The following ANO10 variants were observed in gnomAD, a reference collection of about 807,000 sequenced individuals.
ANO10 encodes anoctamin 10.
Under a neutral mutation model 74.7 loss-of-function variants are expected in ANO10, and 77 were observed. The ratio of observed to expected loss-of-function variants is 1.03; its 90% CI spans 0.86 to 1.25. The LOEUF is 1.25. Ranked by LOEUF, ANO10 falls within the 50% of genes most tolerant of loss-of-function variation. The pLI, the probability that ANO10 is intolerant of heterozygous loss-of-function variation, is 0.00. For synonymous variants in ANO10, 279 were observed against 284.9 expected, an observed-to-expected ratio of 0.98 and a Z score of 0.21; for missense variants, 721 against 778.1, an observed-to-expected ratio of 0.93 and a Z score of 0.87.
chr3:43,562,954 C>T (rs2080120595), intron 8 of ANO10, among the ~76,000 whole-genome samples: 1 of 151,966 alleles, frequency 6.6e-6, no homozygotes, highest in Non-Finnish European at 1.5e-5. Flanking sequence ...GCAACAAAAC[C>T]AAAAATAGAC....
At chr3:43,481,123 A>G (rs2076253206) in intron 11 of ANO10, among the ~76,000 whole-genome samples, 1 of 152,150 alleles carries the variant, frequency 6.6e-6, no homozygotes, top group Non-Finnish European at 1.5e-5. Context: ...ACTGAAAGAC[A>G]TAGTATTTAG....
intron 11 of ANO10, among the ~76,000 whole-genome samples, chr3:43,484,174 C>A (rs1300638371): frequency 6.6e-6 from 1 of 152,166 alleles, no homozygotes; most frequent in Admixed American, 6.5e-5. Flanking sequence ...CTCAAGCGAT[C>A]TGCCCACCTC....
chr3:43,402,454 T>C (rs2092499728), intron 12 of ANO10, among the ~76,000 whole-genome samples: 1 of 152,180 alleles, frequency 6.6e-6, no homozygotes, highest in Non-Finnish European at 1.5e-5. Context: ...TTTTAAAACA[T>C]TATGTTCATT....
intron 12 of ANO10, among the ~76,000 whole-genome samples, chr3:43,389,662 C>T (rs182732869): frequency 2.0e-5 from 3 of 152,292 alleles, no homozygotes; most frequent in Non-Finnish European, 4.4e-5. Context: ...TGGATAAATG[C>T]TCTTACTTAT....
chr3:43,411,294 T>C (rs1254086958), intron 12 of ANO10, among the ~76,000 whole-genome samples: 1 of 152,152 alleles, frequency 6.6e-6, no homozygotes, highest in Middle Eastern at 3.2e-3. Context: ...ATACTTAATA[T>C]CATCTTTATG....
In ANO10 at chr3:43,643,074, C is replaced by T. The variant is rs543797066; in HGVS notation, c.-11-37211G>A. 4.6e-4 allele frequency among the ~76,000 whole-genome samples: 69 copies of T among 151,358 alleles called. 2 individuals are homozygous for T. Among genetic ancestry groups the T allele is most frequent in the African/African-American group, 1.6e-3 (67 of 41,188 alleles). ...TGAGACGGAGTCTTGCTCTGTTGCCCAGGCTGGAGTGCAGTGGCGCAATCT... is the reference window on the plus strand; with the variant it reads ...TGAGACGGAGTCTTGCTCTGTTGCCTAGGCTGGAGTGCAGTGGCGCAATCT... On this transcript the variant is annotated intron_variant, in intron 1 of 3. Coordinates refer to the ANO10 transcript ENST00000413397.
intron 11 of ANO10, among the ~76,000 whole-genome samples, chr3:43,469,886 TC>T (rs753952390): frequency 6.6e-6 from 1 of 152,220 alleles, no homozygotes; most frequent in Non-Finnish European, 1.5e-5. Flanking sequence ...AGGAATTTGA[TC>T]ATCTGCTTTT....
chr3:43,393,569 G>C (rs1240831759), intron 12 of ANO10, among the ~76,000 whole-genome samples: 1 of 152,138 alleles, frequency 6.6e-6, no homozygotes, highest in Non-Finnish European at 1.5e-5. Flanking sequence ...CAACAGCCCT[G>C]TGTGCAAGGC....
At chr3:43,610,371 A>G (rs1274870469) in intron 1 of ANO10, among the ~76,000 whole-genome samples, 1 of 152,188 alleles carries the variant, frequency 6.6e-6, no homozygotes, top group Non-Finnish European at 1.5e-5. Flanking sequence ...CAATATAAGG[A>G]GGAGTACACT....
chr3:43,559,690 GAC>G, intron 9 of ANO10, among the ~76,000 whole-genome samples: 1 of 152,178 alleles, frequency 6.6e-6, no homozygotes, highest in African/African-American at 2.4e-5. Context: ...GTTTCTATAA[GAC>G]AGTGAAAAAA....
In ANO10 at chr3:43,675,995, T is replaced by C. The variant is rs573077489; in HGVS notation, c.-12+15522A>G. On this transcript the variant is annotated intron_variant, in intron 1 of 3. Transcript: ENST00000413397. ...ATGTTTTTGGCAGCTTTATTTGTAATAGCTGAAAACTGGAAACAACTCAGA... is the reference window on the plus strand; with the variant it reads ...ATGTTTTTGGCAGCTTTATTTGTAACAGCTGAAAACTGGAAACAACTCAGA... Among the ~76,000 whole-genome samples, 3 of 152,344 alleles carry C rather than the reference T, an allele frequency of 2.0e-5. No homozygotes were observed. The East Asian group carries it at 5.8e-4, about 29-fold the overall frequency.
At chr3:43,491,150 A>G (rs2076704887) in intron 11 of ANO10, among the ~76,000 whole-genome samples, 1 of 152,182 alleles carries the variant, frequency 6.6e-6, no homozygotes, top group Non-Finnish European at 1.5e-5. Context: ...GCTGCTGTGC[A>G]TGTGGACATC....
intron 11 of ANO10, among the ~76,000 whole-genome samples, chr3:43,475,845 G>T (rs2076046095): frequency 1.3e-5 from 2 of 152,144 alleles, no homozygotes; most frequent in South Asian, 4.1e-4. Flanking sequence ...CGAGTGATCT[G>T]CCCACTTCAG....
intron 5 of ANO10, among the ~76,000 whole-genome samples, chr3:43,579,208 C>A (rs1308620884): frequency 1.3e-5 from 2 of 151,800 alleles, no homozygotes; most frequent in African/African-American, 4.8e-5. Context: ...CAGCACATAC[C>A]AAATAAATTA....
At chr3:43,562,155 G>C (rs369395189) in intron 8 of ANO10, among the ~76,000 whole-genome samples, 1 of 151,994 alleles carries the variant, frequency 6.6e-6, no homozygotes, top group African/African-American at 2.4e-5. Flanking sequence ...CAGATCACCT[G>C]AGATGGAAAG....
chr3:43,690,855 C>A, intron 1 of ANO10: 1 of 932,880 alleles, frequency 1.1e-6, no homozygotes, highest in South Asian at 2.7e-5. Flanking sequence ...CGCGGGCGCG[C>A]CGCCGGGCCG....
At chr3:43,614,587 C>T (rs972628579) in intron 1 of ANO10, among the ~76,000 whole-genome samples, 3 of 151,560 alleles carry the variant, frequency 2.0e-5, no homozygotes, top group Middle Eastern at 3.2e-3. Flanking sequence ...ATGGAAAGAA[C>T]CCAGTTTGGG....
At chr3:43,690,029 A>C (rs72622914) in intron 1 of ANO10, 12,668 of 151,490 alleles carry the variant, frequency 0.084, 728 homozygotes, top group South Asian at 0.22. Context: ...TAGTCATTTC[A>C]CCTCAATAAC....
At chr3:43,598,295 A>G (rs976667146) in intron 4 of ANO10, among the ~76,000 whole-genome samples, 2 of 152,226 alleles carry the variant, frequency 1.3e-5, no homozygotes, top group African/African-American at 4.8e-5. Context: ...ATGTATACAC[A>G]CTGGATTTTA....
Sources: gnomAD v4.1 joint callset for allele counts (sites outside exome capture counted in the v4.1 genomes callset) on GRCh38, gnomAD v4.1.1 for gene constraint, MANE v1.5 for transcripts, NCBI Gene and HGNC (gene_info 2026-07-23, HGNC 2026-07-21) for gene names.